Variants in KAZN observed in about 807,000 individuals in gnomAD.
The protein encoded by KAZN is kazrin.
In KAZN, 40 loss-of-function variants were observed where a neutral mutation model predicts 87.4. The ratio of observed to expected loss-of-function variants is 0.46; its 90% CI spans 0.36 to 0.60. The LOEUF (loss-of-function observed/expected upper bound fraction) is 0.60. Among genes scored for constraint, KAZN ranks in the 20% least tolerant of loss-of-function variants. The pLI is 0.00. For missense variants in KAZN, 898 were observed against 1,073.9 expected (o/e 0.84, Z 2.29); for synonymous variants, 466 against 458.3 (o/e 1.02, Z -0.22).
intron 1 of KAZN, among the ~76,000 whole-genome samples, chr1:14,090,377 C>T (rs952707881): frequency 4.0e-5 from 6 of 151,396 alleles, no homozygotes; most frequent in Non-Finnish European, 4.4e-5. Flanking sequence ...ACTAATTTTT[C>T]TCTCTCTCTC....
intron 1 of KAZN, among the ~76,000 whole-genome samples, chr1:14,787,917 C>T (rs957445731): frequency 2.0e-5 from 3 of 152,164 alleles, no homozygotes; most frequent in Non-Finnish European, 2.9e-5. Context: ...TCACCATTTT[C>T]GAAAGATCAG....
At chr1:14,137,555 C>G (rs1645134210) in intron 1 of KAZN, among the ~76,000 whole-genome samples, 1 of 152,134 alleles carries the variant, frequency 6.6e-6, no homozygotes, top group Non-Finnish European at 1.5e-5. Context: ...GTTGCTTAAA[C>G]CTCTGTGGCT....
chr1:14,486,812 C>G (rs1277303871), intron 2 of KAZN, among the ~76,000 whole-genome samples: 1 of 152,168 alleles, frequency 6.6e-6, no homozygotes, highest in Non-Finnish European at 1.5e-5. Context: ...AAGTACTGAC[C>G]ACTGGGAAGT....
chr1:15,048,799 CCT>C (rs1673950553), intron 4 of KAZN, among the ~76,000 whole-genome samples: 7 of 149,906 alleles, frequency 4.7e-5, no homozygotes, highest in African/African-American at 7.4e-5. Flanking sequence ...GGTCATTGGT[CCT>C]GAGTCGTTGG....
intron 2 of KAZN, among the ~76,000 whole-genome samples, chr1:14,331,509 C>T (rs766045876): frequency 7.2e-5 from 11 of 152,144 alleles, no homozygotes; most frequent in Non-Finnish European, 1.6e-4. Flanking sequence ...CTTACTGCTG[C>T]TATTTGTAAA....
At position 14,456,111 on chromosome 1, in the gene KAZN, C is replaced by T. The variant is rs914980249; in HGVS notation, c.250-142872C>T. 3.9e-5 allele frequency among the ~76,000 whole-genome samples: 6 copies of T among 152,158 alleles called. No homozygotes were observed. In the South Asian group the frequency reaches 6.2e-4, roughly 16 times the overall value. ...GCCTCATGAAAAGTGCATGAGCATGCGTTTATATAAATGTGCACCTTCGTA... is the reference window on the plus strand; with the variant it reads ...GCCTCATGAAAAGTGCATGAGCATGTGTTTATATAAATGTGCACCTTCGTA... On this transcript the variant is annotated intron_variant, in intron 2 of 16. Coordinates refer to the KAZN transcript ENST00000636203.
chr1:14,667,318 C>T (rs1019837609), intron 1 of KAZN, among the ~76,000 whole-genome samples: 3 of 152,172 alleles, frequency 2.0e-5, no homozygotes, highest in Non-Finnish European at 2.9e-5. Flanking sequence ...CTTGAAGGCG[C>T]GGACCTCCAG....
chr1:14,599,330 G>A lies in KAZN; in HGVS notation c.226+107G>A. 14 of 1,168,220 alleles carry A rather than the reference G, an allele frequency of 1.2e-5. No homozygotes were observed. The highest frequency in any genetic ancestry group is 1.5e-5 in the Non-Finnish European group (14 of 926,308). 72.4% of individuals were successfully genotyped at this position (1,168,220 alleles called of 1,614,324 possible). ...CCCACACCCGGGGCGAAATCGCTTTGCATTCTGGCTTGTAACCCTTTCCGC... is the reference window on the plus strand; with the variant it reads ...CCCACACCCGGGGCGAAATCGCTTTACATTCTGGCTTGTAACCCTTTCCGC... On this transcript the variant is annotated intron_variant, in intron 1 of 14. Transcript: ENST00000376030. The surrounding 1 kb of genome is among the most constrained non-coding windows in gnomAD (Gnocchi z 4.4).
intron 8 of KAZN, among the ~76,000 whole-genome samples, chr1:15,076,644 T>TTGA (rs2100612420): frequency 6.6e-6 from 1 of 152,312 alleles, no homozygotes; most frequent in African/African-American, 2.4e-5. Flanking sequence ...CTGCACACAA[T>TTGA]TGATTGGCTT....
chr1:14,379,120 T>C lies in KAZN; in HGVS notation c.249+198528T>C, dbSNP rs1224449747. Among the ~76,000 whole-genome samples, 3 of 149,686 alleles carry C rather than the reference T, an allele frequency of 2.0e-5. No homozygotes were observed. The Admixed American group carries it at 2.0e-4, about 10-fold the overall frequency. Reference sequence around the variant, plus strand: ...CAGGCCTGAGCTCCCAGACAACATTTCTAGACACATGCTGGGCCAGAAGCA... The same window carrying C: ...CAGGCCTGAGCTCCCAGACAACATTCCTAGACACATGCTGGGCCAGAAGCA... On this transcript the variant is annotated intron_variant, in intron 2 of 16. Transcript: ENST00000636203.
intron 1 of KAZN, among the ~76,000 whole-genome samples, chr1:14,720,993 G>A (rs144084847): frequency 6.6e-6 from 1 of 152,166 alleles, no homozygotes; most frequent in Admixed American, 6.5e-5. Flanking sequence ...CCCTGCCCTT[G>A]TTTGTACCCT....
At chr1:13,895,628 C>T (rs948682315) in intron 1 of KAZN, among the ~76,000 whole-genome samples, 1 of 152,176 alleles carries the variant, frequency 6.6e-6, no homozygotes, top group Non-Finnish European at 1.5e-5. Context: ...AACACTGATA[C>T]GTCTCCAGCC....
intron 1 of KAZN, among the ~76,000 whole-genome samples, chr1:14,081,454 G>C (rs2101590890): frequency 6.6e-6 from 1 of 152,104 alleles, no homozygotes; most frequent in South Asian, 2.1e-4. Context: ...ATGGCCAATG[G>C]GTCAAATCTC....
chr1:14,614,074 C>T (rs891740004), intron 1 of KAZN, among the ~76,000 whole-genome samples: 3 of 152,286 alleles, frequency 2.0e-5, no homozygotes, highest in Middle Eastern at 3.4e-3. Flanking sequence ...TCCGGGAATA[C>T]GATGCAATTG....
chr1:13,895,142 G>A (rs960526419), intron 1 of KAZN, among the ~76,000 whole-genome samples: 2 of 152,208 alleles, frequency 1.3e-5, no homozygotes, highest in African/African-American at 4.8e-5. Context: ...GGGCATAGCT[G>A]CCTTTGGTAG....
rs1369611524 is a variant in KAZN, at chr1:14,949,575, G to A, written c.227-11109G>A. ...TTTTTCGAGATTCACATTCCTCCTG[G>A]TGCCAGAAGCACCTGCCAAGTGATT... On this transcript the variant is annotated intron_variant, in intron 1 of 14. Coordinates refer to ENST00000376030, the MANE Select transcript of KAZN (RefSeq NM_201628.3). The surrounding 1 kb of genome is among the most constrained non-coding windows in gnomAD (Gnocchi z 4.3). Among the ~76,000 whole-genome samples the A allele has an allele frequency of 6.6e-6, 1 of 152,212 alleles. No individual in the cohort carries two copies. The highest frequency in any genetic ancestry group is 2.4e-5 in the African/African-American group (1 of 41,442).
intron 1 of KAZN, among the ~76,000 whole-genome samples, chr1:14,618,226 G>T (rs533693794): frequency 6.6e-6 from 1 of 152,186 alleles, no homozygotes; most frequent in South Asian, 2.1e-4. Flanking sequence ...CAGCCCCGGC[G>T]TGTTCTAGTG....
rs1160488733 is a variant in KAZN at position 14,852,384 on chromosome 1, T to C, written c.227-108300T>C. Among the ~76,000 whole-genome samples the C allele has an allele frequency of 3.3e-5, 5 of 152,172 alleles. No individual in the cohort carries two copies. In the East Asian group the frequency reaches 5.8e-4, roughly 18 times the overall value. ...TGAATGGGGAGTCCAGCAGCCTGAG[T>C]CAGCCATGCGGCGATCAGACGGTGC... On this transcript the variant is annotated intron_variant, in intron 1 of 14. Coordinates refer to ENST00000376030, the MANE Select transcript of KAZN (RefSeq NM_201628.3).
chr1:14,000,081 C>T (rs1293464103), intron 1 of KAZN, among the ~76,000 whole-genome samples: 5 of 152,066 alleles, frequency 3.3e-5, no homozygotes, highest in African/African-American at 1.2e-4. Flanking sequence ...AAAAAAAGTC[C>T]AGGACCAGAC....
Sources: allele counts gnomAD v4.1 joint callset (sites outside exome capture counted in the v4.1 genomes callset), GRCh38; gene constraint gnomAD v4.1.1; non-coding constraint Gnocchi (gnomAD v3.1); transcripts MANE v1.5; gene names NCBI Gene and HGNC (gene_info 2026-07-23, HGNC 2026-07-21).